The following CDH4 variants were observed in gnomAD, a reference collection of about 807,000 sequenced individuals.
The protein encoded by CDH4 is cadherin-4.
A neutral mutation model predicts 86.0 loss-of-function variants in CDH4; 33 were observed. That is an observed-to-expected ratio of 0.38 (90% CI 0.29 to 0.51). CDH4 has a LOEUF of 0.51. CDH4 is among the 20% of genes least tolerant of loss of function. CDH4 has a pLI of 0.86. For synonymous variants in CDH4, 555 were observed against 549.4 expected (o/e 1.01, Z -0.14); for missense variants, 1,114 against 1,307.4 (o/e 0.85, Z 2.28).
chr20:61,347,885 T>C (rs6028141), intron 2 of CDH4, among the ~76,000 whole-genome samples: 30,194 of 149,106 alleles, frequency 0.2, 3,004 homozygotes, highest in Middle Eastern at 0.35. Flanking sequence ...ATCAGATGAG[T>C]CCTGTGTCTG....
intron 2 of CDH4, among the ~76,000 whole-genome samples, chr20:61,601,710 C>A (rs1002022825): frequency 2.6e-5 from 4 of 152,312 alleles, no homozygotes; most frequent in African/African-American, 9.6e-5. Context: ...CCTGGCGGGG[C>A]GCATGCAGCC....
chr20:61,300,485 G>A (rs1383826325), intron 2 of CDH4, among the ~76,000 whole-genome samples: 3 of 152,114 alleles, frequency 2.0e-5, no homozygotes, highest in Non-Finnish European at 2.9e-5. Context: ...GCTCTCCCTG[G>A]GCACAGGGCT....
intron 2 of CDH4, among the ~76,000 whole-genome samples, chr20:61,463,020 G>A (rs1330986276): frequency 6.6e-6 from 1 of 152,184 alleles, no homozygotes; most frequent in Non-Finnish European, 1.5e-5. Flanking sequence ...GAATAATGGG[G>A]GTGGTTTCCA....
intron 4 of CDH4, among the ~76,000 whole-genome samples, chr20:61,804,187 C>G (rs548137220): frequency 1.3e-5 from 2 of 152,226 alleles, no homozygotes; most frequent in African/African-American, 2.4e-5. Flanking sequence ...GAGAGCCGCC[C>G]GAACTGCTGT....
chr20:61,575,355 C>T (rs984636062), intron 2 of CDH4, among the ~76,000 whole-genome samples: 21 of 152,126 alleles, frequency 1.4e-4, no homozygotes, highest in Non-Finnish European at 2.1e-4. Flanking sequence ...TATATACTTA[C>T]GGGTTACACA....
At chr20:61,457,764 A>G (rs1338362916) in intron 2 of CDH4, among the ~76,000 whole-genome samples, 2 of 148,984 alleles carry the variant, frequency 1.3e-5, no homozygotes, top group African/African-American at 5.0e-5. Flanking sequence ...TAGTCTTATC[A>G]TGGTGATGGC....
At chr20:61,626,420 G>A (rs1420752119) in intron 2 of CDH4, among the ~76,000 whole-genome samples, 1 of 151,340 alleles carries the variant, frequency 6.6e-6, no homozygotes, top group Non-Finnish European at 1.5e-5. Context: ...AGCCAAGAAT[G>A]TGTGTGTGTG....
chr20:61,393,789 C>G lies in CDH4; in HGVS notation c.169+138852C>G, dbSNP rs2085000109. Among the ~76,000 whole-genome samples, 1 of 152,046 alleles carries G rather than the reference C, an allele frequency of 6.6e-6. No homozygotes were observed. Among genetic ancestry groups the G allele is most frequent in the Non-Finnish European group, 1.5e-5 (1 of 68,010 alleles). On this transcript the variant is annotated intron_variant, in intron 2 of 15. Coordinates refer to ENST00000614565, the MANE Select transcript of CDH4 (RefSeq NM_001794.5). This position sits in a 1 kb window ranked among gnomAD's most constrained non-coding sequence, Gnocchi z 4.3. ...CTGGAGACCGTGCAGTGAACTCTTACACCCCAGGGCTCAGTGTGTGAGAGC... is the reference window on the plus strand; with the variant it reads ...CTGGAGACCGTGCAGTGAACTCTTAGACCCCAGGGCTCAGTGTGTGAGAGC...
At chr20:61,482,870 C>T (rs928105341) in intron 2 of CDH4, among the ~76,000 whole-genome samples, 2 of 152,210 alleles carry the variant, frequency 1.3e-5, no homozygotes, top group South Asian at 2.1e-4. Context: ...TGAATCCGCA[C>T]GTCCGCCCTG....
chr20:61,381,729 T>C (rs1040609398), intron 2 of CDH4, among the ~76,000 whole-genome samples: 11 of 152,142 alleles, frequency 7.2e-5, no homozygotes, highest in Non-Finnish European at 1.6e-4. Flanking sequence ...TTGCATAATC[T>C]ACTACCAGAG....
At chr20:61,340,931 C>G (rs2084646307) in intron 2 of CDH4, among the ~76,000 whole-genome samples, 1 of 152,208 alleles carries the variant, frequency 6.6e-6, no homozygotes, top group Non-Finnish European at 1.5e-5. Flanking sequence ...AGCACAGTTT[C>G]AAAATGTGAA....
At chr20:61,649,558 A>G (rs899194091) in intron 2 of CDH4, among the ~76,000 whole-genome samples, 1 of 152,200 alleles carries the variant, frequency 6.6e-6, no homozygotes, top group African/African-American at 2.4e-5. Context: ...CGGTGGAGAC[A>G]GGGAATCAAG....
At chr20:61,907,734 C>T (rs1018684471) in intron 8 of CDH4, among the ~76,000 whole-genome samples, 4 of 152,194 alleles carry the variant, frequency 2.6e-5, no homozygotes, top group Non-Finnish European at 5.9e-5. Flanking sequence ...GCTGCAGGTT[C>T]CGGGCTCTGG....
chr20:61,445,919 G>A (rs745358236), intron 2 of CDH4, among the ~76,000 whole-genome samples: 9 of 152,216 alleles, frequency 5.9e-5, no homozygotes, highest in African/African-American at 1.7e-4. Flanking sequence ...AGTGCCTGGC[G>A]TCCTTTCCTC....
At chr20:61,499,400 G>C in intron 2 of CDH4, 5 of 1,235,298 alleles carry the variant, frequency 4.0e-6, no homozygotes, top group Non-Finnish European at 5.3e-6. Context: ...TGCGGGACTG[G>C]GGTGCAGGTG....
intron 6 of CDH4, among the ~76,000 whole-genome samples, chr20:61,868,098 C>T (rs1254955774): frequency 6.6e-6 from 1 of 152,190 alleles, no homozygotes; most frequent in Non-Finnish European, 1.5e-5. Flanking sequence ...GAGCATAAAC[C>T]GCAGAATGGA....
At chr20:61,853,826 G>C (rs1982857010) in intron 6 of CDH4, among the ~76,000 whole-genome samples, 2 of 152,328 alleles carry the variant, frequency 1.3e-5, no homozygotes, top group South Asian at 2.1e-4. Flanking sequence ...CTCCTGCATG[G>C]GGGGTGGAGA....
intron 2 of CDH4, among the ~76,000 whole-genome samples, chr20:61,381,027 G>T (rs535716669): frequency 1.3e-5 from 2 of 152,154 alleles, no homozygotes; most frequent in African/African-American, 4.8e-5. Flanking sequence ...GTCTGAATTC[G>T]GCAGATGGAA....
intron 2 of CDH4, among the ~76,000 whole-genome samples, chr20:61,321,597 A>G (rs2084508823): frequency 2.6e-5 from 4 of 152,130 alleles, no homozygotes; most frequent in Admixed American, 1.3e-4. Context: ...ATGTGCTGAC[A>G]CCTTCCATGT....
Sources: gnomAD v4.1 joint callset for allele counts (sites outside exome capture counted in the v4.1 genomes callset) on GRCh38, gnomAD v4.1.1 for gene constraint, Gnocchi (gnomAD v3.1) non-coding constraint, MANE v1.5 for transcripts, NCBI Gene and HGNC (gene_info 2026-07-23, HGNC 2026-07-21) for gene names.